The following HID1 variants were observed in gnomAD, a reference collection of about 807,000 sequenced individuals.
HID1 encodes protein HID1.
In HID1, 42 loss-of-function variants were observed where a neutral mutation model predicts 89.7. That is an observed-to-expected ratio of 0.47 (90% CI 0.37 to 0.61). The LOEUF (loss-of-function observed/expected upper bound fraction) is 0.61, where lower values mean the gene tolerates loss of function less well. Among genes scored for constraint, HID1 ranks in the 20% least tolerant of loss-of-function variants. HID1 has a pLI of 0.00. For missense variants in HID1, 854 were observed against 1,039.3 expected (o/e 0.82, Z 2.45); for synonymous variants, 442 against 433.8 (o/e 1.02, Z -0.24).
At position 74,952,993 on chromosome 17, in the gene HID1, G is replaced by A. The variant is rs201520822; in HGVS notation, c.2052+13C>T. The A allele has an allele frequency of 7.5e-6, 12 of 1,593,890 alleles. No homozygotes were observed. In the East Asian group the frequency reaches 2.3e-4, roughly 30 times the overall value. On this transcript the variant is annotated intron_variant, in intron 16 of 18. Transcript: ENST00000425042. ...CCCAGCCCCCGCTCGCCTGGCACAG[G>A]GTCCCTCCTCACCCACTCTGGCGTT...
intron 1 of HID1, among the ~76,000 whole-genome samples, chr17:74,970,259 C>A (rs1036278738): frequency 6.6e-6 from 1 of 152,120 alleles, no homozygotes; most frequent in Non-Finnish European, 1.5e-5. Context: ...GGCCCCTGCT[C>A]GGACTAGACC....
In HID1 at chr17:74,954,185, G is replaced by T; in HGVS notation, c.1817C>A (p.Ala606Asp). 1 of 1,603,124 alleles carries T rather than the reference G, an allele frequency of 6.2e-7. No individual in the cohort carries two copies. ...CTTGAGGGTGCCTGGCTCTGCAGGGGCAGCGGGGCGGGAGCCCTCCATGGA... is the reference window on the plus strand; with the variant it reads ...CTTGAGGGTGCCTGGCTCTGCAGGGTCAGCGGGGCGGGAGCCCTCCATGGA... Reference protein sequence around the residue: ...GTSMEGSRPAAPAEPGTLKTS... With the variant: ...GTSMEGSRPADPAEPGTLKTS... The change falls in exon 14 of 19, where the codon GCC becomes GAC. Residue 606 changes from alanine to aspartate, a missense_variant. Ala to Asp is a moderately radical substitution (Grantham distance 126). Transcript: ENST00000425042.
chr17:74,958,804 G>C lies in HID1; in HGVS notation c.1150-41C>G. 1.2e-6 allele frequency: 2 copies of C among 1,604,766 alleles called. No individual in the cohort carries two copies. ...GGGGCCAAGTGGGCTGAGTTCAAGG[G>C]AGGGGCAGCTCTGCCCCACCCCCCT... On this transcript the variant is annotated intron_variant, in intron 9 of 18. Transcript: ENST00000425042. This position sits in a 1 kb window ranked among gnomAD's most constrained non-coding sequence, Gnocchi z 5.2.
At position 74,963,690 on chromosome 17, in the gene HID1, C is replaced by T. The variant is rs754586568; in HGVS notation, c.387+50G>A. 2.6e-6 allele frequency: 4 copies of T among 1,530,042 alleles called. No homozygotes were observed. In the South Asian group the frequency reaches 4.8e-5, roughly 18 times the overall value. The allele number at this position is 1,530,042 out of a possible 1,614,324, so 94.8% of individuals were successfully genotyped here. Reference sequence around the variant, plus strand: ...ATGGCCGGCCCTAAAGGGCGCTCTCCCTGTGACGCCAACTCTGCCTCCCAC... The same window carrying T: ...ATGGCCGGCCCTAAAGGGCGCTCTCTCTGTGACGCCAACTCTGCCTCCCAC... On this transcript the variant is annotated intron_variant, in intron 3 of 18. Coordinates refer to ENST00000425042, the MANE Select transcript of HID1 (RefSeq NM_030630.3).
At chr17:74,970,480 G>T (rs867151270) in intron 1 of HID1, among the ~76,000 whole-genome samples, 16 of 152,162 alleles carry the variant, frequency 1.1e-4, no homozygotes, top group African/African-American at 3.1e-4. Flanking sequence ...TCTGGGAGAG[G>T]GTTCCAGGTC....
chr17:74,954,090 C>T (rs2039349033), intron 14 of HID1, 48 bp downstream of exon 14: 1 of 1,513,720 alleles, frequency 6.6e-7, no homozygotes, highest in African/African-American at 1.4e-5. Flanking sequence ...TGTCCCTCCC[C>T]CAGCCACACC....
At position 74,972,542 on chromosome 17, in the gene HID1, G is replaced by A. The variant is rs1217303665; in HGVS notation, c.66+49C>T. ...GTTCGCGTACCCCCGGCCCTGCCCA[G>A]CCCCCAGCCCGGCAGGTGGATGGGG... On this transcript the variant is annotated intron_variant, in intron 1 of 18. Transcript: ENST00000425042. The surrounding 1 kb of genome is among the most constrained non-coding windows in gnomAD (Gnocchi z 6.4). 7 of 1,507,124 alleles carry A rather than the reference G, an allele frequency of 4.6e-6. No individual in the cohort carries two copies. Among genetic ancestry groups the A allele is most frequent in the Non-Finnish European group, 6.3e-6 (7 of 1,113,838 alleles). 93.4% of individuals were successfully genotyped at this position (1,507,124 alleles called of 1,614,324 possible). A position where few individuals can be genotyped will look rare whatever the true frequency, so the allele number is the denominator to read the frequency against.
chr17:74,963,569 G>A, intron 3 of HID1, 171 bp downstream of exon 3: 1 of 647,936 alleles, frequency 1.5e-6, no homozygotes, highest in Non-Finnish European at 2.6e-6. Flanking sequence ...GAGGGGAACT[G>A]AGGGCCCAAG....
rs1030090821 is a variant in HID1, at chr17:74,951,405, C to T, written c.*165G>A. 19 of 659,260 alleles carry T rather than the reference C, an allele frequency of 2.9e-5. No individual in the cohort carries two copies. The highest frequency in any genetic ancestry group is 2.1e-4 in the Admixed American group (8 of 38,544). 40.8% of individuals were successfully genotyped at this position (659,260 alleles called of 1,614,324 possible). On this transcript the variant is annotated 3_prime_UTR_variant, in exon 19 of 19. Transcript: ENST00000425042. ...GGGTTGAGGGGGATCTGAGCCAGTT[C>T]ACATTGTCCTGGCCACAGGGGTCTC... is the stretch of plus-strand genomic sequence containing the variant.
chr17:74,965,442 C>G (rs1457252841), intron 1 of HID1, among the ~76,000 whole-genome samples: 3 of 152,232 alleles, frequency 2.0e-5, no homozygotes, highest in African/African-American at 7.2e-5. Context: ...TACACACGTG[C>G]ACACAGACAC....
At chr17:74,963,656 T>G in intron 3 of HID1, 84 bp downstream of exon 3, 1 of 1,347,770 alleles carries the variant, frequency 7.4e-7, no homozygotes, top group Middle Eastern at 2.6e-4. Flanking sequence ...AGAAGAGGCT[T>G]GGAGGAGCAT....
chr17:74,966,782 C>T (rs1328578185), intron 1 of HID1, among the ~76,000 whole-genome samples: 1 of 151,558 alleles, frequency 6.6e-6, no homozygotes, highest in Admixed American at 6.6e-5. Flanking sequence ...TTTGTAGAGA[C>T]CCTATCTCTA....
intron 16 of HID1, among the ~76,000 whole-genome samples, chr17:74,952,624 G>A (rs550989573): frequency 2.1e-4 from 32 of 152,326 alleles, no homozygotes; most frequent in African/African-American, 7.5e-4. Flanking sequence ...GTCAGGCAGG[G>A]ACGGTAATTA....
At chr17:74,963,185 C>T (rs2039511572) in intron 3 of HID1, 104 bp from the exon 4 acceptor site, 2 of 772,434 alleles carry the variant, frequency 2.6e-6, no homozygotes, top group Non-Finnish European at 4.2e-6. Flanking sequence ...CAGGCGGGCA[C>T]CCATGGGCAG....
Position 74,961,859 on chromosome 17 carries a change from C to T in HID1, c.728+14G>A, listed in dbSNP as rs62086322. ...AAGAGGGAAGAGAGCGCAGAAAGGC[C>T]AAGGGCCCTTCACCTGTTCTCCGTG... On this transcript the variant is annotated intron_variant, in intron 6 of 18. Coordinates refer to ENST00000425042, the MANE Select transcript of HID1 (RefSeq NM_030630.3). 4 of 1,444,112 alleles carry T rather than the reference C, an allele frequency of 2.8e-6. No individual in the cohort carries two copies. Among genetic ancestry groups the T allele is most frequent in the Non-Finnish European group, 3.7e-6 (4 of 1,094,468 alleles). 89.5% of individuals were successfully genotyped at this position (1,444,112 alleles called of 1,614,324 possible).
Position 74,962,296 on chromosome 17 carries a change from G to A in HID1, c.549C>T (p.Ile183=), listed in dbSNP as rs1237561247. ...DVHSLDSCEY[I]WEAGVGFAHS... ...GAGCGAAGCCCACACCAGCCTCCCA[G>A]ATGTATTCACAGCTGTCCAGGGAGT... Residue 183 remains isoleucine, a synonymous_variant, in exon 5 of 19, where the codon ATC becomes ATT. Transcript: ENST00000425042. This position sits in a 1 kb window ranked among gnomAD's most constrained non-coding sequence, Gnocchi z 4.3. 1 of 1,612,792 alleles carries A rather than the reference G, an allele frequency of 6.2e-7. No individual in the cohort carries two copies. The highest frequency in any genetic ancestry group is 1.1e-5 in the South Asian group (1 of 90,996).
chr17:74,972,449 C>T lies in HID1; in HGVS notation c.66+142G>A, dbSNP rs887471036. 6.6e-6 allele frequency: 5 copies of T among 758,836 alleles called. No individual in the cohort carries two copies. Among genetic ancestry groups the T allele is most frequent in the South Asian group, 1.8e-5 (1 of 55,444 alleles). 47.0% of individuals were successfully genotyped at this position (758,836 alleles called of 1,614,324 possible). A position where few individuals can be genotyped will look rare whatever the true frequency, so the allele number is the denominator to read the frequency against. ...AGCTTCCAGGTACAGGCCGCGGGGTCCCGTTCCGGCGCTGGCCTTGGCGTT... is the reference window on the plus strand; with the variant it reads ...AGCTTCCAGGTACAGGCCGCGGGGTTCCGTTCCGGCGCTGGCCTTGGCGTT... On this transcript the variant is annotated intron_variant, in intron 1 of 18. Coordinates refer to ENST00000425042, the MANE Select transcript of HID1 (RefSeq NM_030630.3). The surrounding 1 kb of genome is among the most constrained non-coding windows in gnomAD (Gnocchi z 6.4).
In HID1 at chr17:74,958,109, G is replaced by A. The variant is rs1350613893; in HGVS notation, c.1471+32C>T. 8.9e-6 allele frequency: 14 copies of A among 1,568,862 alleles called. No homozygotes were observed. The highest frequency in any genetic ancestry group is 1.9e-5 in the Admixed American group (1 of 53,668). ...CTGTGGCCTGACACCACCTGGTGGTGAGCGCGGGGAGTGCAAGCTCCGGGC... is the reference window on the plus strand; with the variant it reads ...CTGTGGCCTGACACCACCTGGTGGTAAGCGCGGGGAGTGCAAGCTCCGGGC... On this transcript the variant is annotated intron_variant, in intron 12 of 18. Coordinates refer to ENST00000425042, the MANE Select transcript of HID1 (RefSeq NM_030630.3). This position sits in a 1 kb window ranked among gnomAD's most constrained non-coding sequence, Gnocchi z 5.2.
At chr17:74,952,466 C>T in intron 16 of HID1, 106 bp from the exon 17 acceptor site, 1 of 747,000 alleles carries the variant, frequency 1.3e-6, no homozygotes, top group Non-Finnish European at 2.3e-6. Context: ...AGAAAGTACC[C>T]CTGCTCCTTG....
Sources: allele counts gnomAD v4.1 joint callset (sites outside exome capture counted in the v4.1 genomes callset), GRCh38; gene constraint gnomAD v4.1.1; non-coding constraint Gnocchi (gnomAD v3.1); transcripts MANE v1.5; gene names NCBI Gene and HGNC (gene_info 2026-07-23, HGNC 2026-07-21).